INPP4B: variants seen among roughly 807,000 people sequenced by gnomAD.
INPP4B encodes the protein inositol polyphosphate 4-phosphatase type II.
In INPP4B, 55 loss-of-function variants were observed where a neutral mutation model predicts 122.5. The observed-to-expected ratio is 0.45, with a 90% confidence interval of 0.36 to 0.56. The LOEUF (loss-of-function observed/expected upper bound fraction) is 0.56. INPP4B is among the 20% of genes least tolerant of loss of function. INPP4B has a pLI of 0.00. For missense variants in INPP4B, 1,000 were observed against 1,097.7 expected (o/e 0.91, Z 1.26); for synonymous variants, 403 against 388.7 (o/e 1.04, Z -0.43).
intron 3 of INPP4B, among the ~76,000 whole-genome samples, chr4:142,434,463 G>T (rs1303400476): frequency 1.3e-5 from 2 of 152,136 alleles, no homozygotes; most frequent in African/African-American, 4.8e-5. Context: ...CTTTCTACCG[G>T]GGGTGGAAGA....
At chr4:142,756,387 C>T (rs1432184803) in intron 1 of INPP4B, among the ~76,000 whole-genome samples, 1 of 152,020 alleles carries the variant, frequency 6.6e-6, no homozygotes, top group Non-Finnish European at 1.5e-5. Context: ...AATTAATCCT[C>T]TTATTATTTA....
intron 2 of INPP4B, among the ~76,000 whole-genome samples, chr4:142,597,741 C>G (rs1413752822): frequency 6.6e-6 from 1 of 152,146 alleles, no homozygotes; most frequent in African/African-American, 2.4e-5. Flanking sequence ...ATCTATTTAT[C>G]TTTAAGACTA....
At chr4:142,041,164 G>GA (rs1023699858) in intron 25 of INPP4B, among the ~76,000 whole-genome samples, 5 of 151,822 alleles carry the variant, frequency 3.3e-5, no homozygotes, top group African/African-American at 9.7e-5. Flanking sequence ...TGAGTAACAC[G>GA]AAAAAAAATT....
chr4:142,740,669 C>G (rs913014425), intron 1 of INPP4B, among the ~76,000 whole-genome samples: 1 of 151,674 alleles, frequency 6.6e-6, no homozygotes, highest in East Asian at 1.9e-4. Flanking sequence ...CACTCAAAAG[C>G]CCAAAAGGGT....
At chr4:142,561,439 G>GCA (rs1730451709) in intron 2 of INPP4B, among the ~76,000 whole-genome samples, 2 of 152,184 alleles carry the variant, frequency 1.3e-5, no homozygotes, top group South Asian at 4.1e-4. Flanking sequence ...TGTTTTTTGA[G>GCA]ACGGAGTCTT....
chr4:142,297,650 T>C lies in INPP4B; in HGVS notation c.503+7808A>G, dbSNP rs78285284. ...ACTGAGCAAACGCTGGTGTCATGCT[T>C]CCTATACAGTCTGCAAAACCATGAG... On this transcript the variant is annotated intron_variant, in intron 9 of 25. Transcript: ENST00000262992. Among the ~76,000 whole-genome samples the C allele has an allele frequency of 7.0e-3, 1,060 of 152,316 alleles. 29 individuals carry two copies. The East Asian group carries it at 0.083, about 12-fold the overall frequency.
intron 1 of INPP4B, among the ~76,000 whole-genome samples, chr4:142,845,259 C>T (rs1784040985): frequency 6.6e-6 from 1 of 152,116 alleles, no homozygotes; most frequent in Admixed American, 6.5e-5. Context: ...AACTACTGCC[C>T]CCAAGGAAGG....
intron 9 of INPP4B, among the ~76,000 whole-genome samples, chr4:142,299,629 T>C (rs3113516): frequency 0.02 from 3,047 of 152,108 alleles, 51 homozygotes; most frequent in Middle Eastern, 0.034. Flanking sequence ...CAACGAAGTA[T>C]AACACTGTTC....
chr4:142,667,686 A>C (rs1048543848), intron 2 of INPP4B, among the ~76,000 whole-genome samples: 1 of 152,160 alleles, frequency 6.6e-6, no homozygotes, highest in Non-Finnish European at 1.5e-5. Flanking sequence ...GGAGTAGTAC[A>C]TTGGAGGATA....
At chr4:142,774,480 TTC>T (rs72347187) in intron 1 of INPP4B, among the ~76,000 whole-genome samples, 35,386 of 152,014 alleles carry the variant, frequency 0.23, 4,445 homozygotes, top group South Asian at 0.35. Context: ...GATCAATTTG[TTC>T]TTTTTCTGCC....
At chr4:142,837,269 A>T (rs1432344040) in intron 1 of INPP4B, among the ~76,000 whole-genome samples, 1 of 152,146 alleles carries the variant, frequency 6.6e-6, no homozygotes, top group Non-Finnish European at 1.5e-5. Context: ...AAAAATACAC[A>T]TTTCAAAAAT....
intron 3 of INPP4B, among the ~76,000 whole-genome samples, chr4:142,459,135 G>A (rs1000732538): frequency 3.3e-5 from 5 of 152,116 alleles, no homozygotes; most frequent in Admixed American, 3.3e-4. Context: ...CATTCCCTTG[G>A]TGTTTGTGTT....
chr4:142,388,972 G>A (rs985153917), intron 7 of INPP4B, among the ~76,000 whole-genome samples: 7 of 152,052 alleles, frequency 4.6e-5, no homozygotes, highest in African/African-American at 1.4e-4. Flanking sequence ...AAACTTAGAG[G>A]CCCAGTGAGG....
At chr4:142,150,370 T>G (rs988916491) in intron 17 of INPP4B, among the ~76,000 whole-genome samples, 3 of 152,178 alleles carry the variant, frequency 2.0e-5, no homozygotes, top group Non-Finnish European at 4.4e-5. Context: ...CACTACCACC[T>G]ATCAGAGAAA....
At chr4:142,647,648 AG>A (rs1752080922) in intron 2 of INPP4B, among the ~76,000 whole-genome samples, 1 of 152,190 alleles carries the variant, frequency 6.6e-6, no homozygotes, top group Non-Finnish European at 1.5e-5. Context: ...AGAGAGAGGG[AG>A]CACAGTGCAG....
intron 12 of INPP4B, among the ~76,000 whole-genome samples, chr4:142,211,059 C>T (rs1297918127): frequency 6.6e-6 from 1 of 152,092 alleles, no homozygotes; most frequent in African/African-American, 2.4e-5. Context: ...CCTGTTTGTT[C>T]TAAGAGATGA....
chr4:142,599,594 A>G (rs1487427006), intron 2 of INPP4B, among the ~76,000 whole-genome samples: 2 of 152,188 alleles, frequency 1.3e-5, no homozygotes, highest in Non-Finnish European at 2.9e-5. Context: ...AAGCACAGAC[A>G]GCAACATAAA....
In INPP4B at chr4:142,027,014, C is replaced by T. The variant is rs1737213778; in HGVS notation, c.*1768G>A. On this transcript the variant is annotated 3_prime_UTR_variant, in exon 26 of 26. Coordinates refer to ENST00000262992, the MANE Select transcript of INPP4B (RefSeq NM_001101669.3). The stretch of plus-strand genomic sequence containing the variant: ...GTAATGAAAATAACCACAAATCCTA[C>T]CATTTTCAAATGATATTGAACAACT... 1 of 152,072 alleles carries T rather than the reference C, an allele frequency of 6.6e-6. No homozygotes were observed. Among genetic ancestry groups the T allele is most frequent in the Admixed American group, 6.6e-5 (1 of 15,260 alleles). 9.4% of individuals were successfully genotyped at this position (152,072 alleles called of 1,614,324 possible).
chr4:142,218,643 T>C (rs1848250876), intron 12 of INPP4B, among the ~76,000 whole-genome samples: 1 of 152,178 alleles, frequency 6.6e-6, no homozygotes, highest in Non-Finnish European at 1.5e-5. Flanking sequence ...ATGAGCTCTA[T>C]AATACCATTT....
Sources: allele counts gnomAD v4.1 joint callset (sites outside exome capture counted in the v4.1 genomes callset), GRCh38; gene constraint gnomAD v4.1.1; transcripts MANE v1.5; gene names NCBI Gene and HGNC (gene_info 2026-07-23, HGNC 2026-07-21).